FBXL17: variants seen among roughly 807,000 people sequenced by gnomAD.
The protein encoded by FBXL17 is F-box and leucine rich repeat protein 17, also known as F-box/LRR-repeat protein 17.
In FBXL17, 22 loss-of-function variants were observed where a neutral mutation model predicts 66.2. That is an observed-to-expected ratio of 0.33 (90% CI 0.24 to 0.47). The LOEUF (loss-of-function observed/expected upper bound fraction) is 0.47. Ranked by LOEUF, FBXL17 falls within the 20% of genes least tolerant of loss-of-function variation. FBXL17 has a pLI of 1.00. For synonymous variants in FBXL17, 474 were observed against 400.5 expected (o/e 1.18, Z -2.19); for missense variants, 878 against 948.2 (o/e 0.93, Z 0.97).
intron 7 of FBXL17, among the ~76,000 whole-genome samples, chr5:107,971,522 T>C (rs1752373017): frequency 6.6e-6 from 1 of 152,174 alleles, no homozygotes; most frequent in Non-Finnish European, 1.5e-5. Flanking sequence ...AAATTGTATG[T>C]GTTCCTGATA....
intron 2 of FBXL17, among the ~76,000 whole-genome samples, chr5:108,366,163 A>G (rs17161281): frequency 1.2e-3 from 182 of 152,216 alleles, no homozygotes; most frequent in African/African-American, 4.3e-3. Context: ...ATATCAGAAC[A>G]CCAAAGACTA....
At chr5:108,173,777 G>A (rs1175972640) in intron 6 of FBXL17, among the ~76,000 whole-genome samples, 1 of 152,088 alleles carries the variant, frequency 6.6e-6, no homozygotes, top group African/African-American at 2.4e-5. Context: ...CTCCAATAAT[G>A]GTATTTCTAC....
rs186285500 is a variant in FBXL17 at position 107,963,228 on chromosome 5, C to T, written c.1822+57697G>A. On this transcript the variant is annotated intron_variant, in intron 7 of 8. Transcript: ENST00000542267. The stretch of plus-strand genomic sequence containing the variant: ...TAGAAGCCCATGGCTCTGATACTGG[C>T]ATGCCCATCCACCCATACATTGAGG... 1.5e-3 allele frequency among the ~76,000 whole-genome samples: 234 copies of T among 152,258 alleles called. 2 individuals are homozygous for T. The South Asian group carries it at 0.023, about 15-fold the overall frequency.
intron 7 of FBXL17, among the ~76,000 whole-genome samples, chr5:107,890,146 A>G (rs543898899): frequency 1.7e-4 from 26 of 152,310 alleles, no homozygotes; most frequent in Admixed American, 1.7e-3. Context: ...TATATTACTT[A>G]TCAAAGAATT....
intron 6 of FBXL17, among the ~76,000 whole-genome samples, chr5:108,092,223 C>G (rs967167849): frequency 6.6e-6 from 1 of 151,874 alleles, no homozygotes; most frequent in African/African-American, 2.4e-5. Flanking sequence ...CGACCCTTAG[C>G]GATCCAGAGA....
chr5:108,194,174 C>G (rs928170753), intron 5 of FBXL17, among the ~76,000 whole-genome samples: 4 of 152,162 alleles, frequency 2.6e-5, no homozygotes, highest in African/African-American at 9.7e-5. Flanking sequence ...GTTAAGCCAA[C>G]TGGGATCTCT....
rs529446034 is a variant in FBXL17, at chr5:107,938,241, C to G, written c.1823-57062G>C. Among the ~76,000 whole-genome samples the G allele has an allele frequency of 1.1e-4, 17 of 151,630 alleles. No individual in the cohort carries two copies. The East Asian group carries it at 3.3e-3, about 29-fold the overall frequency. ...GAGTGTTAGAAATGCTTTAAAGAAC[C>G]CAGTGAAGTACTGTTCAAAATGATA... On this transcript the variant is annotated intron_variant, in intron 7 of 8. Transcript: ENST00000542267.
intron 4 of FBXL17, among the ~76,000 whole-genome samples, chr5:108,283,684 A>G (rs947578363): frequency 6.6e-5 from 10 of 151,906 alleles, no homozygotes; most frequent in Admixed American, 6.6e-4. Flanking sequence ...GATGAATGTG[A>G]CTTAATTAAA....
intron 6 of FBXL17, among the ~76,000 whole-genome samples, chr5:108,025,742 C>T (rs1245290428): frequency 1.3e-5 from 2 of 151,562 alleles, no homozygotes; most frequent in African/African-American, 4.9e-5. Flanking sequence ...CACACACACA[C>T]ACACACACAC....
At chr5:107,899,817 G>A (rs1749511497) in intron 7 of FBXL17, among the ~76,000 whole-genome samples, 1 of 152,088 alleles carries the variant, frequency 6.6e-6, no homozygotes, top group African/African-American at 2.4e-5. Context: ...CCTGAGGAGG[G>A]GGAGTGAGGG....
intron 1 of FBXL17, among the ~76,000 whole-genome samples, chr5:108,380,259 G>C (rs1331348313): frequency 2.0e-5 from 3 of 152,106 alleles, no homozygotes; most frequent in Non-Finnish European, 4.4e-5. Context: ...CCTGATTATG[G>C]TAAATGCTCA....
intron 6 of FBXL17, among the ~76,000 whole-genome samples, chr5:108,022,308 T>G (rs989062184): frequency 3.9e-5 from 6 of 151,918 alleles, no homozygotes; most frequent in Non-Finnish European, 5.9e-5. Flanking sequence ...TGAGGGAAAT[T>G]TTAAAGCCTA....
Position 108,186,322 on chromosome 5 carries a change from A to G in FBXL17, c.1615-75T>C, listed in dbSNP as rs1214683223. 3 of 1,269,872 alleles carry G rather than the reference A, an allele frequency of 2.4e-6. No homozygotes were observed. The African/African-American group carries it at 4.4e-5, about 19-fold the overall frequency. The allele number at this position is 1,269,872 out of a possible 1,614,324, so 78.7% of individuals were successfully genotyped here. A position where few individuals can be genotyped will look rare whatever the true frequency, so the allele number is the denominator to read the frequency against. ...CTCTCAAAACTTACAAATGTAGTTT[A>G]TTACAAGGTAGAGTATCACTGTAAA... On this transcript the variant is annotated intron_variant, in intron 5 of 8. Transcript: ENST00000542267.
At chr5:108,340,184 G>A (rs774948867) in intron 4 of FBXL17, among the ~76,000 whole-genome samples, 3 of 150,372 alleles carry the variant, frequency 2.0e-5, no homozygotes, top group Admixed American at 6.6e-5. Context: ...AGAATAAGAG[G>A]ATACGATCTA....
intron 4 of FBXL17, among the ~76,000 whole-genome samples, chr5:108,292,528 C>T (rs964699090): frequency 1.3e-5 from 2 of 152,078 alleles, no homozygotes; most frequent in Admixed American, 6.6e-5. Context: ...TATACTGCTC[C>T]CTCAACCTAA....
Position 108,019,805 on chromosome 5 carries a change from G to A in FBXL17, c.1822+1120C>T, listed in dbSNP as rs1369594593. 2.6e-5 allele frequency among the ~76,000 whole-genome samples: 4 copies of A among 151,444 alleles called. No individual in the cohort carries two copies. The East Asian group carries it at 5.8e-4, about 22-fold the overall frequency. The stretch of plus-strand genomic sequence containing the variant: ...ATTGCCAAACCAGAAAACAAACAAC[G>A]TAAGTAAAGAAAAATATATCAAAAC... On this transcript the variant is annotated intron_variant, in intron 7 of 8. Coordinates refer to ENST00000542267, the MANE Select transcript of FBXL17 (RefSeq NM_001163315.3).
At chr5:108,279,568 T>C (rs565612237) in intron 4 of FBXL17, among the ~76,000 whole-genome samples, 1 of 145,730 alleles carries the variant, frequency 6.9e-6, no homozygotes, top group African/African-American at 2.5e-5. Context: ...AAAAAAAAAG[T>C]AATATGACAC....
At chr5:108,038,752 G>C (rs1746942016) in intron 6 of FBXL17, among the ~76,000 whole-genome samples, 2 of 152,094 alleles carry the variant, frequency 1.3e-5, no homozygotes, top group African/African-American at 4.8e-5. Context: ...TTTTGAATTA[G>C]ATGTGAGTGA....
chr5:108,020,071 T>C (rs1160288654), intron 7 of FBXL17, among the ~76,000 whole-genome samples: 1 of 151,814 alleles, frequency 6.6e-6, no homozygotes, highest in Non-Finnish European at 1.5e-5. Flanking sequence ...AGGACTGGAG[T>C]CATTTATTAT....
Sources: allele counts gnomAD v4.1 joint callset (sites outside exome capture counted in the v4.1 genomes callset), GRCh38; gene constraint gnomAD v4.1.1; transcripts MANE v1.5; gene names NCBI Gene and HGNC (gene_info 2026-07-23, HGNC 2026-07-21).